The following SUSD6 variants were observed in gnomAD, a reference collection of about 807,000 sequenced individuals.
SUSD6 encodes sushi domain-containing protein 6.
Under a neutral mutation model 28.4 loss-of-function variants are expected in SUSD6, and 16 were observed. The observed-to-expected ratio is 0.56, with a 90% confidence interval of 0.38 to 0.86. The LOEUF is 0.86. Ranked by LOEUF, SUSD6 falls within the 40% of genes least tolerant of loss-of-function variation. The pLI, the probability that SUSD6 is intolerant of heterozygous loss-of-function variation, is 0.00. For missense variants in SUSD6, 341 were observed against 384.2 expected (o/e 0.89, Z 0.94); for synonymous variants, 147 against 159.6 (o/e 0.92, Z 0.59).
intron 1 of SUSD6, among the ~76,000 whole-genome samples, chr14:69,612,553 A>G (rs1884896105): frequency 6.6e-6 from 1 of 152,114 alleles, no homozygotes; most frequent in South Asian, 2.1e-4. Flanking sequence ...AGTGGAGAAA[A>G]GTTACCCTGG....
intron 2 of SUSD6, among the ~76,000 whole-genome samples, chr14:69,674,363 T>G (rs1379232977): frequency 6.6e-6 from 1 of 152,194 alleles, no homozygotes; most frequent in Admixed American, 6.5e-5. Context: ...TTTTCTCGCT[T>G]CTTCTTAACT....
intron 4 of SUSD6, among the ~76,000 whole-genome samples, chr14:69,705,937 C>G (rs1025327608): frequency 6.6e-6 from 1 of 152,210 alleles, no homozygotes. Context: ...TCCTCATTCC[C>G]TCTTGAGGAG....
At chr14:69,650,629 C>A (rs1885490080) in intron 1 of SUSD6, among the ~76,000 whole-genome samples, 1 of 152,170 alleles carries the variant, frequency 6.6e-6, no homozygotes, top group African/African-American at 2.4e-5. Flanking sequence ...TGCTCACAGG[C>A]ACTTTGCCTC....
In SUSD6 at chr14:69,704,623, A is replaced by G. The variant is rs1425928966; in HGVS notation, c.339A>G (p.Ser113=). 18 of 1,613,772 alleles carry G rather than the reference A, an allele frequency of 1.1e-5. No individual in the cohort carries two copies. The highest frequency in any genetic ancestry group is 1.5e-5 in the Non-Finnish European group (18 of 1,179,904). The part of the protein sequence containing the change: ...RLNEDKDTHT[S]LGVPTLSIVA... ...TTATAGATAAAGACACCCACACATCACTTGGGGTCCCCACGCTGTCTATAG... is the reference window on the plus strand; with the variant it reads ...TTATAGATAAAGACACCCACACATCGCTTGGGGTCCCCACGCTGTCTATAG... The change falls in exon 4 of 6, where the codon TCA becomes TCG. Residue 113 remains serine (S), a synonymous_variant. Coordinates refer to ENST00000342745, the MANE Select transcript of SUSD6 (RefSeq NM_014734.4).
At chr14:69,682,019 T>C (rs532298839) in intron 2 of SUSD6, among the ~76,000 whole-genome samples, 1 of 152,298 alleles carries the variant, frequency 6.6e-6, no homozygotes, top group East Asian at 1.9e-4. Flanking sequence ...GCTGTAATGT[T>C]TGATTAGTAG....
chr14:69,694,806 G>A (rs1886201328), intron 2 of SUSD6, among the ~76,000 whole-genome samples: 1 of 152,124 alleles, frequency 6.6e-6, no homozygotes, highest in Admixed American at 6.6e-5. Flanking sequence ...GGAAGTGAGG[G>A]GCCCAGGCCT....
intron 2 of SUSD6, among the ~76,000 whole-genome samples, chr14:69,666,173 A>G (rs561348779): frequency 1.3e-5 from 2 of 152,234 alleles, no homozygotes; most frequent in Non-Finnish European, 2.9e-5. Context: ...GATATTCGTG[A>G]GGTTTTCTGA....
intron 2 of SUSD6, among the ~76,000 whole-genome samples, chr14:69,659,830 T>C (rs933465568): frequency 6.6e-6 from 1 of 152,236 alleles, no homozygotes; most frequent in African/African-American, 2.4e-5. Flanking sequence ...TTGAACCTTT[T>C]TGAGTTTGTA....
At chr14:69,666,810 C>T (rs1043209826) in intron 2 of SUSD6, among the ~76,000 whole-genome samples, 6 of 148,790 alleles carry the variant, frequency 4.0e-5, no homozygotes, top group Non-Finnish European at 7.6e-5. Flanking sequence ...GATTTCTTGG[C>T]CAAGTTTTTT....
At chr14:69,656,433 G>C (rs73281540) in intron 1 of SUSD6, among the ~76,000 whole-genome samples, 2 of 152,180 alleles carry the variant, frequency 1.3e-5, no homozygotes, top group Non-Finnish European at 2.9e-5. Context: ...TGGTGTGACT[G>C]CACCTAAAAC....
rs924134227 is a variant in SUSD6 at position 69,611,671 on chromosome 14, T to G, written c.-238T>G. The G allele has an allele frequency of 2.8e-5, 4 of 142,782 alleles. No homozygotes were observed. Among genetic ancestry groups the G allele is most frequent in the Admixed American group, 1.4e-4 (2 of 14,626 alleles). 8.8% of individuals were successfully genotyped at this position (142,782 alleles called of 1,614,324 possible). On this transcript the variant is annotated 5_prime_UTR_variant, in exon 1 of 6. Coordinates refer to ENST00000342745, the MANE Select transcript of SUSD6 (RefSeq NM_014734.4). Reference sequence around the variant, plus strand: ...GCCGGCGACCGCCCCACCTCCTCCCTCCCTCCCGCCCGCTTCCTCTGCCCA... The same window carrying G: ...GCCGGCGACCGCCCCACCTCCTCCCGCCCTCCCGCCCGCTTCCTCTGCCCA...
chr14:69,683,722 A>G (rs1886031494), intron 2 of SUSD6, among the ~76,000 whole-genome samples: 2 of 152,226 alleles, frequency 1.3e-5, no homozygotes, highest in Non-Finnish European at 2.9e-5. Flanking sequence ...ACTTGTAGAA[A>G]GTGGCAGCCT....
intron 1 of SUSD6, among the ~76,000 whole-genome samples, chr14:69,627,767 A>C (rs1258398222): frequency 6.6e-6 from 1 of 152,012 alleles, no homozygotes; most frequent in Non-Finnish European, 1.5e-5. Flanking sequence ...CCCGGCCCAG[A>C]TGGTATTTCT....
At chr14:69,667,587 G>A (rs1885763669) in intron 2 of SUSD6, among the ~76,000 whole-genome samples, 1 of 151,006 alleles carries the variant, frequency 6.6e-6, no homozygotes, top group Non-Finnish European at 1.5e-5. Context: ...GTTTCACCGT[G>A]TTAGCCAGGA....
At chr14:69,617,106 T>G (rs182649443) in intron 1 of SUSD6, 13 of 152,380 alleles carry the variant, frequency 8.5e-5, no homozygotes, top group African/African-American at 3.1e-4. Context: ...TGTTTTACCA[T>G]GTATCAGTAC....
At chr14:69,698,922 G>A (rs1329735169) in intron 2 of SUSD6, among the ~76,000 whole-genome samples, 1 of 152,198 alleles carries the variant, frequency 6.6e-6, no homozygotes. Context: ...ATGTGGCACT[G>A]CCACATCAGG....
chr14:69,641,208 A>G (rs1160197778), intron 1 of SUSD6, among the ~76,000 whole-genome samples: 1 of 152,008 alleles, frequency 6.6e-6, no homozygotes, highest in Non-Finnish European at 1.5e-5. Flanking sequence ...TTTTTTTAAC[A>G]TTTCGATTAT....
At chr14:69,657,872 G>A (rs1885606832) in intron 1 of SUSD6, among the ~76,000 whole-genome samples, 1 of 152,148 alleles carries the variant, frequency 6.6e-6, no homozygotes, top group East Asian at 1.9e-4. Flanking sequence ...GGTAGGGCTA[G>A]TTAGCAATTG....
intron 2 of SUSD6, among the ~76,000 whole-genome samples, chr14:69,699,450 C>T (rs902778599): frequency 9.2e-5 from 14 of 152,152 alleles, no homozygotes; most frequent in African/African-American, 7.2e-5. Flanking sequence ...GTGATCCGCC[C>T]ACCTTGACCT....
Sources: allele counts gnomAD v4.1 joint callset (sites outside exome capture counted in the v4.1 genomes callset), GRCh38; gene constraint gnomAD v4.1.1; transcripts MANE v1.5; gene names NCBI Gene and HGNC (gene_info 2026-07-23, HGNC 2026-07-21).